The following FH variants were observed in gnomAD, a reference collection of about 807,000 sequenced individuals.
FH encodes the protein fumarate hydratase, mitochondrial.
A neutral mutation model predicts 49.4 loss-of-function variants in FH; 22 were observed. That is an observed-to-expected ratio of 0.45 (90% confidence interval 0.32 to 0.64). The LOEUF is 0.64. Among genes scored for constraint, FH ranks in the 30% least tolerant of loss-of-function variants. FH has a pLI of 0.05. For missense variants in FH, 526 were observed against 641.5 expected, an observed-to-expected ratio of 0.82 and a Z score of 1.95; for synonymous variants, 208 against 223.0, an observed-to-expected ratio of 0.93 and a Z score of 0.60.
chr1:241,504,000 T>C, intron 7 of FH, 42 bp downstream of exon 7: 11 of 1,569,644 alleles, frequency 7.0e-6, no homozygotes, highest in African/African-American at 1.3e-5. Flanking sequence ...GCCTAGGACC[T>C]AGTCAAGTTT....
intron 1 of FH, among the ~76,000 whole-genome samples, chr1:241,518,403 T>C (rs1471219899): frequency 1.3e-5 from 2 of 152,222 alleles, no homozygotes; most frequent in African/African-American, 2.4e-5. Flanking sequence ...TTTAAAAATA[T>C]GTAAAGGTTT....
chr1:241,507,861 A>G (rs771532897), intron 5 of FH, among the ~76,000 whole-genome samples: 2 of 152,200 alleles, frequency 1.3e-5, no homozygotes, highest in Non-Finnish European at 2.9e-5. Flanking sequence ...CATTCCTTCC[A>G]TAAGGAAATT....
Position 241,497,712 on chromosome 1 carries a change from G to T in FH, c.*116C>A. 1 of 910,408 alleles carries T rather than the reference G, an allele frequency of 1.1e-6. No homozygotes were observed. The highest frequency in any genetic ancestry group is 1.7e-6 in the Non-Finnish European group (1 of 591,192). 56.4% of individuals were successfully genotyped at this position (910,408 alleles called of 1,614,324 possible). A position where few individuals can be genotyped will look rare whatever the true frequency, so the allele number is the denominator to read the frequency against. ...TTTTATATACTGATCAAATTGCTCT[G>T]CTAGAGATGCTTAAGTTCAATAGCA... On this transcript the variant is annotated 3_prime_UTR_variant, in exon 10 of 10. Transcript: ENST00000366560.
intron 1 of FH, among the ~76,000 whole-genome samples, chr1:241,518,580 T>C (rs1243469038): frequency 6.6e-6 from 1 of 152,200 alleles, no homozygotes; most frequent in African/African-American, 2.4e-5. Context: ...GGGGCACTTA[T>C]TTAATGAGCA....
chr1:241,499,576 G>A (rs1659715145), intron 9 of FH, among the ~76,000 whole-genome samples: 1 of 152,162 alleles, frequency 6.6e-6, no homozygotes, highest in South Asian at 2.1e-4. Context: ...TGTAATTATA[G>A]CTTGATGTGA....
rs550019175 is a variant in FH at position 241,504,484 on chromosome 1, G to C, written c.905-239C>G. Among the ~76,000 whole-genome samples, 7 of 152,288 alleles carry C rather than the reference G, an allele frequency of 4.6e-5. No homozygotes were observed. In the South Asian group the frequency reaches 1.4e-3, roughly 32 times the overall value. On this transcript the variant is annotated intron_variant, in intron 6 of 9. Coordinates refer to ENST00000366560, the MANE Select transcript of FH (RefSeq NM_000143.4). Reference sequence around the variant, plus strand: ...AGACAGGGTCTCACTCTGCTGCCCAGGCTGGAGTGCAGTGTGGCTCAATCA... The same window carrying C: ...AGACAGGGTCTCACTCTGCTGCCCACGCTGGAGTGCAGTGTGGCTCAATCA...
rs368849989 is a variant in FH, at chr1:241,504,225, G to A, written c.925C>T (p.Pro309Ser). The change falls in exon 7 of 10, where the codon CCG becomes TCG. Residue 309 changes from proline (P) to serine (S), a missense_variant. Coordinates refer to ENST00000366560, the MANE Select transcript of FH (RefSeq NM_000143.4). ...GCAGCCAGAGCTTCAAATTTATTCG[G>A]AGCAGTGACAAAAGGCAAGCCTAAA... ...ALTGLPFVTA[P>S]NKFEALAAHD... 21 of 1,614,096 alleles carry A rather than the reference G, an allele frequency of 1.3e-5. No individual in the cohort carries two copies. The highest frequency in any genetic ancestry group is 2.2e-5 in the East Asian group (1 of 44,882).
rs876659347 is a variant in FH at position 241,519,631 on chromosome 1, G to A, written c.92C>T (p.Ala31Val). ...ALASAPGLGG[A>V]AVPSFWPPNA... ...CGGAGGCCAAAACGAGGGCACGGCCGCGCCACCCAAGCCGGGAGCCGAAGC... is the reference window on the plus strand; with the variant it reads ...CGGAGGCCAAAACGAGGGCACGGCCACGCCACCCAAGCCGGGAGCCGAAGC... Residue 31 changes from alanine (A) to valine (V), a missense_variant, in exon 1 of 10, where the codon GCG becomes GTG. Ala to Val is a moderately conservative substitution (Grantham distance 64, BLOSUM62 0). This residue lies in a region of FH where 143 missense variants were observed against 127.5 expected (regional missense o/e 1.12). Coordinates refer to ENST00000366560, the MANE Select transcript of FH (RefSeq NM_000143.4). 6.5e-7 allele frequency: 1 copy of A among 1,547,806 alleles called. No homozygotes were observed. Among genetic ancestry groups the A allele is most frequent in the Non-Finnish European group, 8.7e-7 (1 of 1,146,480 alleles).
intron 1 of FH, 45 bp downstream of exon 1, chr1:241,519,546 T>G: frequency 6.5e-7 from 1 of 1,538,398 alleles, no homozygotes; most frequent in South Asian, 1.2e-5. Context: ...GCAGGAGGGC[T>G]GAAGGTCACT....
chr1:241,508,104 T>C (rs1214391139), intron 5 of FH, among the ~76,000 whole-genome samples: 1 of 152,164 alleles, frequency 6.6e-6, no homozygotes, highest in East Asian at 1.9e-4. Flanking sequence ...TTAAATAACC[T>C]ACTAATTTAG....
chr1:241,502,501 G>A lies in FH; in HGVS notation c.1178C>T (p.Ala393Val), dbSNP rs1455198803. 1 of 1,613,996 alleles carries A rather than the reference G, an allele frequency of 6.2e-7. No homozygotes were observed. Among genetic ancestry groups the A allele is most frequent in the Non-Finnish European group, 8.5e-7 (1 of 1,179,980 alleles). The change falls in exon 8 of 10, where the codon GCT becomes GTT. Residue 393 changes from alanine (A) to valine (V), a missense_variant. Around this residue, in one of 2 missense-constraint regions of FH, gnomAD observed 383 missense variants for 514.0 expected, o/e 0.75. Transcript: ENST00000366560. ...VAAQVMGNHV[A>V]VTVGGSNGHF... ...TCCATTGCTGCCTCCGACAGTGACA[G>A]CAACATGGTTCCCCATGACTTGGGC...
intron 8 of FH, among the ~76,000 whole-genome samples, chr1:241,501,405 T>G (rs1176533145): frequency 2.6e-5 from 4 of 152,200 alleles, no homozygotes; most frequent in Non-Finnish European, 4.4e-5. Flanking sequence ...TTTATTGTTA[T>G]GCACCTATAA....
In FH at chr1:241,517,546, C is replaced by T. The variant is rs531767953; in HGVS notation, c.133-230G>A. On this transcript the variant is annotated intron_variant, in intron 1 of 9. Coordinates refer to ENST00000366560, the MANE Select transcript of FH (RefSeq NM_000143.4). ...AAAGACAGACTGTAGAACTAATATACTATGCTGGTGATAAACATAAAGACT... is the reference window on the plus strand; with the variant it reads ...AAAGACAGACTGTAGAACTAATATATTATGCTGGTGATAAACATAAAGACT... Among the ~76,000 whole-genome samples, 3 of 152,202 alleles carry T rather than the reference C, an allele frequency of 2.0e-5. No individual in the cohort carries two copies. In the South Asian group the frequency reaches 6.2e-4, roughly 32 times the overall value.
At chr1:241,505,960 T>C in intron 6 of FH, 43 bp downstream of exon 6, 4 of 1,580,070 alleles carry the variant, frequency 2.5e-6, no homozygotes, top group Non-Finnish European at 3.5e-6. Context: ...AGACCACGTA[T>C]AATGAGAAAT....
At chr1:241,512,220 T>G (rs1331641133) in intron 3 of FH, 77 bp from the exon 4 acceptor site, 2 of 1,276,286 alleles carry the variant, frequency 1.6e-6, no homozygotes, top group African/African-American at 2.9e-5. Context: ...TTGAATACAG[T>G]TGACCCACAT....
At chr1:241,512,795 T>C (rs999379815) in intron 3 of FH, among the ~76,000 whole-genome samples, 2 of 152,140 alleles carry the variant, frequency 1.3e-5, no homozygotes, top group Admixed American at 6.5e-5. Context: ...AAATATGTGA[T>C]TAGTGTAGAA....
intron 5 of FH, among the ~76,000 whole-genome samples, chr1:241,507,999 T>C (rs957535500): frequency 6.6e-6 from 1 of 152,208 alleles, no homozygotes; most frequent in Non-Finnish European, 1.5e-5. Context: ...GAAAATACTT[T>C]CTAATATCTT....
rs147528200 is a variant in FH at position 241,500,524 on chromosome 1, C to T, written c.1303G>A (p.Val435Met). 7.7e-5 allele frequency: 125 copies of T among 1,613,192 alleles called. No homozygotes were observed. Among genetic ancestry groups the T allele is most frequent in the African/African-American group, 5.2e-4 (39 of 74,654 alleles). Residue 435 changes from valine (V) to methionine (M), a missense_variant, in exon 9 of 10, where the codon GTG (valine) becomes ATG (methionine). Around this residue, in one of 2 missense-constraint regions of FH, gnomAD observed 383 missense variants for 514.0 expected, o/e 0.75. Transcript: ENST00000366560. ...DASVSFTENC[V>M]VGIQANTERI... ...TCTGTATTGGCCTGGATTCCCACCACGCAGTTTTCTGTAAAGGAAACTGAA... is the reference window on the plus strand; with the variant it reads ...TCTGTATTGGCCTGGATTCCCACCATGCAGTTTTCTGTAAAGGAAACTGAA...
At chr1:241,513,538 A>C (rs760136002) in intron 3 of FH, 65 bp downstream of exon 3, 103 of 1,161,044 alleles carry the variant, frequency 8.9e-5, no homozygotes, top group Non-Finnish European at 1.2e-4. Context: ...CTGCCAGAGC[A>C]TATCGTCATC....
Sources: allele counts gnomAD v4.1 joint callset (sites outside exome capture counted in the v4.1 genomes callset), GRCh38; gene constraint gnomAD v4.1.1; regional missense constraint gnomAD v4.1.1; transcripts MANE v1.5; gene names NCBI Gene and HGNC (gene_info 2026-07-23, HGNC 2026-07-21).